Variants in FUS observed in about 807,000 individuals in gnomAD.
FUS encodes the protein FUS RNA binding protein.
A neutral mutation model predicts 82.7 loss-of-function variants in FUS; 5 were observed. The ratio of observed to expected loss-of-function variants is 0.06; its 90% CI spans 0.03 to 0.13. FUS has a LOEUF of 0.13. Among genes scored for constraint, FUS ranks in the 10% least tolerant of loss-of-function variants. FUS has a pLI of 1.00. For synonymous variants in FUS, 281 were observed against 247.4 expected (o/e 1.14, Z -1.27); for missense variants, 512 against 707.8 (o/e 0.72, Z 3.14).
At chr16:31,180,535 C>T (rs754438536) in intron 1 of FUS, among the ~76,000 whole-genome samples, 6 of 152,174 alleles carry the variant, frequency 3.9e-5, no homozygotes, top group Admixed American at 6.5e-5. Flanking sequence ...TTCTCCGTGG[C>T]CTCGCCTCCC....
At chr16:31,191,766 C>A (rs1303279990), downstream of FUS, 3 of 609,436 alleles carry the variant, frequency 4.9e-6, no homozygotes, top group Non-Finnish European at 9.2e-6. Flanking sequence ...TTAAACTTTT[C>A]TGTCATGGGG....
At chr16:31,185,383 C>G (rs1203844382) in intron 6 of FUS, 1 of 642,804 alleles carries the variant, frequency 1.6e-6, no homozygotes, top group African/African-American at 1.8e-5. Flanking sequence ...CCCATCCATA[C>G]CACTGAATAG....
At chr16:31,186,494 A>G (rs908012238) in intron 6 of FUS, 6 of 469,442 alleles carry the variant, frequency 1.3e-5, no homozygotes, top group Admixed American at 6.9e-5. Flanking sequence ...CGACAAGAGG[A>G]AAAAAAAACA....
intron 1 of FUS, among the ~76,000 whole-genome samples, chr16:31,180,520 G>A (rs1297144031): frequency 6.6e-6 from 1 of 152,164 alleles, no homozygotes; most frequent in East Asian, 1.9e-4. Context: ...GGTGGAAAAC[G>A]CCCATTCTCC....
At position 31,190,949 on chromosome 16, in the gene FUS, T is replaced by C. The variant is rs748768886; in HGVS notation, c.1394-14T>C. ...GGAATGGGAATATGATAGATCTTGT[T>C]TCTTTTGTCCTAGGGGGTAACTACG... On this transcript the variant is annotated splice_polypyrimidine_tract_variant and intron_variant, in intron 13 of 14. Coordinates refer to ENST00000254108, the MANE Select transcript of FUS (RefSeq NM_004960.4). The C allele has an allele frequency of 2.1e-5, 34 of 1,610,446 alleles. No homozygotes were observed. Among genetic ancestry groups the C allele is most frequent in the Non-Finnish European group, 2.7e-5 (32 of 1,177,480 alleles).
At position 31,182,578 on chromosome 16, in the gene FUS, A is replaced by T; in HGVS notation, c.104A>T (p.Gln35Leu). 1 of 1,614,242 alleles carries T rather than the reference A, an allele frequency of 6.2e-7. No homozygotes were observed. The highest frequency in any genetic ancestry group is 1.3e-5 in the African/African-American group (1 of 75,080). Residue 35 changes from glutamine to leucine, a missense_variant, in exon 3 of 15, where the codon CAG (glutamine) becomes CTG (leucine). Around this residue, in one of 6 missense-constraint regions of FUS, gnomAD observed 276 missense variants for 303.3 expected, o/e 0.91. Coordinates refer to ENST00000254108, the MANE Select transcript of FUS (RefSeq NM_004960.4). ...YSQQSSQPYGQQSYSGYSQST... is the reference protein window; with the variant it reads ...YSQQSSQPYGLQSYSGYSQST... The stretch of plus-strand genomic sequence containing the variant: ...CAGCAGAGCAGTCAGCCCTACGGAC[A>T]GCAGAGTTACAGTGGTTATAGCCAG...
intron 7 of FUS, 84 bp downstream of exon 7, chr16:31,186,920 T>A: frequency 7.3e-7 from 1 of 1,365,822 alleles, no homozygotes; most frequent in African/African-American, 1.4e-5. Flanking sequence ...AGCGTGTTAA[T>A]TTAAATGTCA....
At chr16:31,186,504 A>G (rs761175870) in intron 6 of FUS, 57 of 494,186 alleles carry the variant, frequency 1.2e-4, no homozygotes, top group Non-Finnish European at 2.1e-4. Context: ...AAAAAAAAAC[A>G]TCTGCTCCAT....
chr16:31,183,837 C>T (rs778936997), intron 3 of FUS, 21 bp from the exon 4 acceptor site: 1 of 1,614,164 alleles, frequency 6.2e-7, no homozygotes, highest in Admixed American at 1.7e-5. Flanking sequence ...TTTTGTGACT[C>T]CCTTTTTCTT....
downstream of FUS, chr16:31,194,704 C>T (rs2079401597): frequency 2.1e-6 from 1 of 486,574 alleles, no homozygotes; most frequent in Non-Finnish European, 4.1e-6. Context: ...GCTAATATAT[C>T]CATCACTTCA....
chr16:31,192,377 G>A (rs557883550), downstream of FUS: 15 of 524,014 alleles, frequency 2.9e-5, no homozygotes, highest in South Asian at 1.8e-4. Context: ...AAACTTGCAC[G>A]TACCTGCCAA....
At chr16:31,190,173 G>GT in intron 11 of FUS, 32 bp downstream of exon 11, 1 of 1,613,938 alleles carries the variant, frequency 6.2e-7, no homozygotes, top group South Asian at 1.1e-5. Context: ...GTGCAGAGGG[G>GT]TAATGGGGAG....
At chr16:31,184,443 T>TC (rs1458644658) in intron 5 of FUS, 47 bp downstream of exon 5, 2 of 1,492,698 alleles carry the variant, frequency 1.3e-6, no homozygotes, top group East Asian at 2.4e-5. Flanking sequence ...TTTTTCTTTT[T>TC]TTTTTTTTTT....
chr16:31,190,333 A>G lies in FUS; in HGVS notation c.1227A>G (p.Gly409=). 1 of 1,613,726 alleles carries G rather than the reference A, an allele frequency of 6.2e-7. No individual in the cohort carries two copies. Among genetic ancestry groups the G allele is most frequent in the Non-Finnish European group, 8.5e-7 (1 of 1,179,904 alleles). Residue 409 remains glycine, a synonymous_variant, in exon 12 of 15, where the codon GGA becomes GGG. Transcript: ENST00000254108. ...GCAGTGGTGGTGGTGGCCGAGGAGG[A>G]TTTCCCAGTGGAGGTGGTGGCGGTG... ...GGGSGGGGRG[G]FPSGGGGGGG...
chr16:31,189,913 C>T, intron 10 of FUS, 119 bp downstream of exon 10: 2 of 1,582,714 alleles, frequency 1.3e-6, no homozygotes, highest in South Asian at 1.1e-5. Flanking sequence ...GCTGCGGTTT[C>T]AGGTAGTCTC....
intron 12 of FUS, 134 bp downstream of exon 12, chr16:31,190,532 C>A: frequency 7.2e-7 from 1 of 1,394,352 alleles, no homozygotes; most frequent in Non-Finnish European, 1.0e-6. Flanking sequence ...TAGCCAAAAG[C>A]TTACCTAGGT....
At chr16:31,182,879 G>C in intron 3 of FUS, 1 of 564,508 alleles carries the variant, frequency 1.8e-6, no homozygotes, top group Non-Finnish European at 3.2e-6. Context: ...ACCACGCCTG[G>C]CTAATTTTGT....
At chr16:31,190,572 T>A (rs892914712) in intron 12 of FUS, 170 bp from the exon 13 acceptor site, 1 of 1,177,966 alleles carries the variant, frequency 8.5e-7, no homozygotes, top group Middle Eastern at 2.6e-4. Flanking sequence ...AGGTAATGGA[T>A]TGGGTTCAGT....
At chr16:31,193,229 GC>G (rs1357086081), downstream of FUS, 2 of 498,958 alleles carry the variant, frequency 4.0e-6, no homozygotes, top group African/African-American at 3.9e-5. Context: ...AAGAGGAATA[GC>G]AGGTTTACTT....
Sources: allele counts gnomAD v4.1 joint callset (sites outside exome capture counted in the v4.1 genomes callset), GRCh38; gene constraint gnomAD v4.1.1; regional missense constraint gnomAD v4.1.1; transcripts MANE v1.5; gene names NCBI Gene and HGNC (gene_info 2026-07-23, HGNC 2026-07-21).